The following SYNE1 variants were observed in gnomAD, a reference collection of about 807,000 sequenced individuals.
SYNE1 encodes the protein nesprin-1.
A neutral mutation model predicts 1,111.0 loss-of-function variants in SYNE1; 616 were observed. That is an observed-to-expected ratio of 0.55 (90% CI 0.52 to 0.59). SYNE1 has a LOEUF of 0.59. SYNE1 is among the 20% of genes least tolerant of loss of function. SYNE1 has a pLI of 0.00. For synonymous variants in SYNE1, 3,855 were observed against 3,825.8 expected, an observed-to-expected ratio of 1.01 and a Z score of -0.28; for missense variants, 10,006 against 10,417.0, an observed-to-expected ratio of 0.96 and a Z score of 1.72.
chr6:152,323,843 G>T, intron 81 of SYNE1, 106 bp from the exon 82 acceptor site: 1 of 1,324,178 alleles, frequency 7.6e-7, no homozygotes, highest in Non-Finnish European at 1.1e-6. Context: ...AATTAAAGAT[G>T]ATGATATAAA....
At chr6:152,218,576 T>C (rs1469107790) in intron 120 of SYNE1, among the ~76,000 whole-genome samples, 173 bp from the exon 121 acceptor site, 1 of 152,210 alleles carries the variant, frequency 6.6e-6, no homozygotes. Context: ...AAATCTTCTT[T>C]ATGTAATTTT....
chr6:152,283,919 TAAC>T, intron 96 of SYNE1, 56 bp downstream of exon 96: 6 of 1,351,064 alleles, frequency 4.4e-6, no homozygotes, highest in Non-Finnish European at 6.4e-6. Context: ...ACATACTTGG[TAAC>T]ACAACGTTAA....
At chr6:152,617,543 T>C (rs2099660698) in intron 3 of SYNE1, among the ~76,000 whole-genome samples, 1 of 152,180 alleles carries the variant, frequency 6.6e-6, no homozygotes, top group Non-Finnish European at 1.5e-5. Context: ...TGCATGAATG[T>C]ATGATTGAAT....
Position 152,308,513 on chromosome 6 carries a change from C to T in SYNE1, c.17322G>A (p.Leu5774=), listed in dbSNP as rs752995421. ...CCTCATGCCGAGAAATCTGAGCCTG[C>T]AGCTCCTGTATGTTACTGGTGGCAA... is the stretch of plus-strand genomic sequence containing the variant. ...KPVATSNIQE[L]QAQISRHEEL... The change falls in exon 91 of 146, where the codon CTG becomes CTA. Residue 5774 remains leucine, a synonymous_variant. Coordinates refer to ENST00000367255, the MANE Select transcript of SYNE1 (RefSeq NM_182961.4). 1 of 1,614,116 alleles carries T rather than the reference C, an allele frequency of 6.2e-7. No homozygotes were observed. Among genetic ancestry groups the T allele is most frequent in the Non-Finnish European group, 8.5e-7 (1 of 1,180,032 alleles).
chr6:152,294,458 T>G (rs1379347658), intron 93 of SYNE1, among the ~76,000 whole-genome samples: 1 of 152,090 alleles, frequency 6.6e-6, no homozygotes, highest in Non-Finnish European at 1.5e-5. Context: ...TTGATTAGAA[T>G]AGCAAAAAAA....
At chr6:152,590,929 A>G (rs1356627780) in intron 3 of SYNE1, among the ~76,000 whole-genome samples, 1 of 152,206 alleles carries the variant, frequency 6.6e-6, no homozygotes, top group Non-Finnish European at 1.5e-5. Context: ...GAAAAATGTC[A>G]TTGGTAGTCT....
intron 3 of SYNE1, among the ~76,000 whole-genome samples, chr6:152,582,574 A>C (rs1191424432): frequency 6.6e-6 from 1 of 151,444 alleles, no homozygotes; most frequent in Non-Finnish European, 1.5e-5. Flanking sequence ...ATATATAAAT[A>C]AATATATATA....
chr6:152,614,444 C>T (rs1273090309), intron 3 of SYNE1, among the ~76,000 whole-genome samples: 1 of 152,172 alleles, frequency 6.6e-6, no homozygotes, highest in Non-Finnish European at 1.5e-5. Flanking sequence ...TACCATCTCA[C>T]ACCAGTAAGA....
chr6:152,233,320 T>C (rs535290918), intron 112 of SYNE1, among the ~76,000 whole-genome samples: 1 of 150,204 alleles, frequency 6.7e-6, no homozygotes, highest in Non-Finnish European at 1.5e-5. Context: ...CAGGGCTTTG[T>C]AGCGTAGTTC....
intron 3 of SYNE1, among the ~76,000 whole-genome samples, chr6:152,574,872 T>C (rs2099490112): frequency 6.6e-6 from 1 of 152,216 alleles, no homozygotes. Context: ...CAGTTCACTC[T>C]TAGCTGTTTT....
intron 131 of SYNE1, among the ~76,000 whole-genome samples, chr6:152,156,756 G>A (rs759700675): frequency 5.3e-5 from 8 of 151,712 alleles, no homozygotes; most frequent in Admixed American, 2.0e-4. Flanking sequence ...GTGTAGAACC[G>A]TAGATACCAA....
intron 30 of SYNE1, 76 bp downstream of exon 30, chr6:152,444,335 T>G: frequency 1.3e-6 from 2 of 1,525,760 alleles, no homozygotes; most frequent in South Asian, 2.3e-5. Context: ...CCAGTGGTTG[T>G]ATTCTTTATC....
intron 131 of SYNE1, among the ~76,000 whole-genome samples, chr6:152,161,221 T>TG (rs1005342768): frequency 2.0e-5 from 3 of 146,714 alleles, no homozygotes; most frequent in African/African-American, 5.0e-5. Context: ...AAAATATATT[T>TG]TTACATTACT....
intron 138 of SYNE1, among the ~76,000 whole-genome samples, chr6:152,141,798 C>T (rs778072236): frequency 1.3e-5 from 2 of 151,088 alleles, no homozygotes; most frequent in African/African-American, 4.9e-5. Flanking sequence ...AGGCTGGGCA[C>T]GGTGGCTCCT....
At chr6:152,373,559 C>A (rs200590972) in intron 58 of SYNE1, among the ~76,000 whole-genome samples, 4 of 152,108 alleles carry the variant, frequency 2.6e-5, no homozygotes, top group Non-Finnish European at 4.4e-5. Flanking sequence ...GGATTACAGG[C>A]GTGAGCCACC....
rs549357903 is a variant in SYNE1, at chr6:152,208,151, G to A, written c.22645C>T (p.Arg7549Cys). Residue 7549 changes from arginine (R) to cysteine (C), a missense_variant, in exon 125 of 146, where the codon CGC becomes TGC. Around this residue, in one of 7 missense-constraint regions of SYNE1, gnomAD observed 2,182 missense variants for 2,287.8 expected, o/e 0.95. Transcript: ENST00000367255. ...ATCCCCCGCCTCTGCTGGGCCCTGCGAATCACTCCCTGCCATTGATTACTG... is the reference window on the plus strand; with the variant it reads ...ATCCCCCGCCTCTGCTGGGCCCTGCAAATCACTCCCTGCCATTGATTACTG... Reference protein sequence around the residue: ...LLSNQWQGVIRRAQQRRGIID... With the variant: ...LLSNQWQGVICRAQQRRGIID... The A allele has an allele frequency of 3.5e-5, 57 of 1,614,014 alleles. No individual in the cohort carries two copies. The highest frequency in any genetic ancestry group is 5.3e-5 in the African/African-American group (4 of 75,002).
In SYNE1 at chr6:152,220,964, A is replaced by G; in HGVS notation, c.21739T>C (p.Tyr7247His). The G allele has an allele frequency of 6.2e-7, 1 of 1,614,178 alleles. No individual in the cohort carries two copies. Among genetic ancestry groups the G allele is most frequent in the South Asian group, 1.1e-5 (1 of 91,082 alleles). The change falls in exon 119 of 146, where the codon TAC becomes CAC. Residue 7247 changes from tyrosine to histidine, a missense_variant. Physicochemically the swap from Tyr to His is moderately conservative, Grantham distance 83. This residue lies in a region of SYNE1 where 2,182 missense variants were observed against 2,287.8 expected (regional missense o/e 0.95). Transcript: ENST00000367255. ...LLQLWQRYKD[Y>H]SKQCASTVQQ... ...ACTGTCGAAGCACACTGTTTGGAGT[A>G]GTCCTTGTATCTTTGCCAAAGCTGA...
At chr6:152,472,632 T>G (rs1386274547) in intron 14 of SYNE1, 1 of 703,138 alleles carries the variant, frequency 1.4e-6, no homozygotes. Context: ...CTAATAATTA[T>G]GCATCTTTTA....
At chr6:152,368,046 G>C (rs1407843374) in intron 61 of SYNE1, 2 of 154,908 alleles carry the variant, frequency 1.3e-5, no homozygotes, top group Admixed American at 1.3e-4. Flanking sequence ...AACAATCATA[G>C]AATAAAAATG....
Sources: allele counts gnomAD v4.1 joint callset (sites outside exome capture counted in the v4.1 genomes callset), GRCh38; gene constraint gnomAD v4.1.1; regional missense constraint gnomAD v4.1.1; transcripts MANE v1.5; gene names NCBI Gene and HGNC (gene_info 2026-07-23, HGNC 2026-07-21).